The following PIAS1 variants were observed in gnomAD, a reference collection of about 807,000 sequenced individuals.
PIAS1 encodes protein inhibitor of activated STAT 1.
Under a neutral mutation model 71.3 loss-of-function variants are expected in PIAS1, and 6 were observed. The ratio of observed to expected loss-of-function variants is 0.08; its 90% CI spans 0.05 to 0.17. The LOEUF (loss-of-function observed/expected upper bound fraction) is 0.17, where lower values mean the gene tolerates loss of function less well. Ranked by LOEUF, PIAS1 falls within the 10% of genes least tolerant of loss-of-function variation. The probability of loss-of-function intolerance (pLI) is 1.00; values close to 1 mark genes in which losing one functional copy is unlikely to be tolerated. For synonymous variants in PIAS1, 303 were observed against 292.9 expected, an observed-to-expected ratio of 1.03 and a Z score of -0.35; for missense variants, 555 against 793.6, an observed-to-expected ratio of 0.70 and a Z score of 3.61.
At chr15:68,082,489 A>G (rs2092238338) in intron 1 of PIAS1, among the ~76,000 whole-genome samples, 1 of 152,190 alleles carries the variant, frequency 6.6e-6, no homozygotes. Flanking sequence ...ATGAATTAGC[A>G]GTAGGTACCT....
Position 68,086,407 on chromosome 15 carries a change from G to A in PIAS1, c.126G>A (p.Leu42=). The A allele has an allele frequency of 6.2e-7, 1 of 1,613,884 alleles. No homozygotes were observed. Among genetic ancestry groups the A allele is most frequent in the Non-Finnish European group, 8.5e-7 (1 of 1,179,822 alleles). Residue 42 remains leucine, a synonymous_variant, in exon 2 of 14, where the codon CTG becomes CTA. Coordinates refer to ENST00000249636, the MANE Select transcript of PIAS1 (RefSeq NM_016166.3). This position sits in a 1 kb window ranked among gnomAD's most constrained non-coding sequence, Gnocchi z 7.2. ...AACACGAACTTCTCACAAAAGCCCT[G>A]CATTTGCTAAAGGCTGGCTGTAGTC... ...GRKHELLTKA[L]HLLKAGCSPA... is the part of the protein sequence containing the mutation.
intron 12 of PIAS1, among the ~76,000 whole-genome samples, chr15:68,182,559 G>A (rs189225666): frequency 6.6e-5 from 10 of 151,090 alleles, no homozygotes; most frequent in African/African-American, 2.2e-4. Flanking sequence ...GCAATGGCGC[G>A]ACAGGCATGT....
chr15:68,159,430 A>G (rs2092910793), intron 7 of PIAS1, among the ~76,000 whole-genome samples: 1 of 152,144 alleles, frequency 6.6e-6, no homozygotes, highest in South Asian at 2.1e-4. Flanking sequence ...CACTGCCACA[A>G]TCAAAATATA....
At chr15:68,066,350 C>CAGGGATTA (rs1235969079) in intron 1 of PIAS1, among the ~76,000 whole-genome samples, 2 of 152,190 alleles carry the variant, frequency 1.3e-5, no homozygotes, top group East Asian at 3.9e-4. Flanking sequence ...CTCAGATCAT[C>CAGGGATTA]CACCTGCCTC....
At position 68,188,058 on chromosome 15, in the gene PIAS1, CTTG is replaced by C; in HGVS notation, c.*226_*228del. 3.1e-6 allele frequency: 1 copy of C among 324,966 alleles called. No homozygotes were observed. Among genetic ancestry groups the C allele is most frequent in the Non-Finnish European group, 5.5e-6 (1 of 180,840 alleles). The allele number at this position is 324,966 out of a possible 1,614,324, so 20.1% of individuals were successfully genotyped here. On this transcript the variant is annotated 3_prime_UTR_variant, in exon 14 of 14. Transcript: ENST00000249636. ...CTAAGACTGCCTGTGTGATAAAACA[CTTG>C]TTTAAAAAAAAAAAGGAAAGAAAAG...
intron 2 of PIAS1, among the ~76,000 whole-genome samples, chr15:68,097,523 C>T (rs1005356631): frequency 5.9e-5 from 9 of 152,124 alleles, no homozygotes; most frequent in African/African-American, 1.9e-4. Context: ...ACCTCTGCCT[C>T]CTCAGTTCAA....
In PIAS1 at chr15:68,193,590, C is replaced by G. The variant is rs2093130217; in HGVS notation, c.*5755C>G. 6.2e-6 allele frequency: 1 copy of G among 161,086 alleles called. No homozygotes were observed. The highest frequency in any genetic ancestry group is 2.4e-5 in the African/African-American group (1 of 41,668). The allele number at this position is 161,086 out of a possible 1,614,324, so 10.0% of individuals were successfully genotyped here. ...TAGCCCCCAAATACAGAATAAGTCT[C>G]TTGGTAGATTGCCCTTAAGTCATCA... On this transcript the variant is annotated 3_prime_UTR_variant, in exon 14 of 14. Transcript: ENST00000249636.
Position 68,175,668 on chromosome 15 carries a change from G to T in PIAS1, c.1201G>T (p.Asp401Tyr). The part of the protein sequence containing the change: ...LFMEILKYCT[D>Y]CDEIQFKEDG... ...TATGGAAATCCTAAAGTACTGTACA[G>T]ACTGTGATGAAATACAATTTAAGGA... is the stretch of plus-strand genomic sequence containing the variant. Residue 401 changes from aspartate (D) to tyrosine (Y), a missense_variant, in exon 10 of 14, where the codon GAC (aspartate) becomes TAC (tyrosine). Asp to Tyr is a radical substitution (Grantham distance 160). Transcript: ENST00000249636. The T allele has an allele frequency of 6.3e-7, 1 of 1,584,634 alleles. No homozygotes were observed. The highest frequency in any genetic ancestry group is 1.1e-5 in the South Asian group (1 of 88,180).
chr15:68,165,833 T>G (rs2092954184), intron 8 of PIAS1, among the ~76,000 whole-genome samples: 2 of 152,308 alleles, frequency 1.3e-5, no homozygotes, highest in South Asian at 4.1e-4. Context: ...TTAATCAAAC[T>G]AATCATATTT....
At chr15:68,157,938 C>T (rs1275994025) in intron 7 of PIAS1, among the ~76,000 whole-genome samples, 1 of 152,202 alleles carries the variant, frequency 6.6e-6, no homozygotes, top group African/African-American at 2.4e-5. Flanking sequence ...TTCTGTCTAT[C>T]ATGCTATCAT....
chr15:68,179,580 T>C (rs2093040938), intron 11 of PIAS1, among the ~76,000 whole-genome samples: 1 of 123,570 alleles, frequency 8.1e-6, no homozygotes, highest in African/African-American at 2.9e-5. Context: ...TTTTTTTTTT[T>C]TTTTTTTTTT....
chr15:68,125,094 A>G (rs1481255443), intron 2 of PIAS1, among the ~76,000 whole-genome samples: 1 of 152,216 alleles, frequency 6.6e-6, no homozygotes, highest in East Asian at 1.9e-4. Context: ...TGAGCAATGT[A>G]GTGAACTATT....
At chr15:68,067,875 G>A (rs1207981780) in intron 1 of PIAS1, among the ~76,000 whole-genome samples, 1 of 152,050 alleles carries the variant, frequency 6.6e-6, no homozygotes, top group South Asian at 2.1e-4. Context: ...ATTTCTTCTA[G>A]GTAACTTGTA....
At chr15:68,085,643 T>C (rs1416455251) in intron 1 of PIAS1, among the ~76,000 whole-genome samples, 8 of 152,222 alleles carry the variant, frequency 5.3e-5, no homozygotes, top group Non-Finnish European at 1.2e-4. Flanking sequence ...TTATAAGTTA[T>C]CTAACCTTTC....
At position 68,192,759 on chromosome 15, in the gene PIAS1, A is replaced by G. The variant is rs1181363067; in HGVS notation, c.*4924A>G. On this transcript the variant is annotated 3_prime_UTR_variant, in exon 14 of 14. Coordinates refer to ENST00000249636, the MANE Select transcript of PIAS1 (RefSeq NM_016166.3). ...ATCCCATTTGATTTGGTTTTCTTCT[A>G]CTTTAGCCACTGTGGTACTACTAGA... The G allele has an allele frequency of 2.0e-5, 3 of 152,178 alleles. No individual in the cohort carries two copies. The highest frequency in any genetic ancestry group is 1.9e-4 in the East Asian group (1 of 5,194). 9.4% of individuals were successfully genotyped at this position (152,178 alleles called of 1,614,324 possible).
chr15:68,139,771 A>T (rs2092757827), intron 2 of PIAS1, among the ~76,000 whole-genome samples: 1 of 152,160 alleles, frequency 6.6e-6, no homozygotes, highest in Non-Finnish European at 1.5e-5. Context: ...TTTGTTTTGC[A>T]GATAGATACT....
chr15:68,168,889 C>T (rs1321080492), intron 8 of PIAS1, among the ~76,000 whole-genome samples: 2 of 152,134 alleles, frequency 1.3e-5, no homozygotes, highest in Admixed American at 1.3e-4. Context: ...TTGAGAGTTG[C>T]TCTCTTGCCT....
At chr15:68,183,003 C>G (rs1037145595) in intron 12 of PIAS1, among the ~76,000 whole-genome samples, 3 of 152,136 alleles carry the variant, frequency 2.0e-5, no homozygotes, top group African/African-American at 7.2e-5. Flanking sequence ...ACTGGGTGAT[C>G]TAGAAAAGAA....
intron 2 of PIAS1, among the ~76,000 whole-genome samples, chr15:68,120,050 C>A (rs1165554441): frequency 6.6e-6 from 1 of 152,218 alleles, no homozygotes; most frequent in African/African-American, 2.4e-5. Context: ...TGAAGCGATC[C>A]TTCTGCCTCA....
Sources: gnomAD v4.1 joint callset for allele counts (sites outside exome capture counted in the v4.1 genomes callset) on GRCh38, gnomAD v4.1.1 for gene constraint, Gnocchi (gnomAD v3.1) non-coding constraint, MANE v1.5 for transcripts, NCBI Gene and HGNC (gene_info 2026-07-23, HGNC 2026-07-21) for gene names.